The following LINGO1 variants were observed in gnomAD, a reference collection of about 807,000 sequenced individuals.
LINGO1 encodes the protein leucine rich repeat and Ig domain containing 1.
LINGO1 carries 11 observed loss-of-function variants against 37.3 expected under a neutral mutation model. The ratio of observed to expected loss-of-function variants is 0.29; its 90% CI spans 0.19 to 0.49. LINGO1 has a LOEUF of 0.49. LINGO1 is among the 20% of genes least tolerant of loss of function. LINGO1 has a pLI of 0.99. For synonymous variants in LINGO1, 387 were observed against 403.0 expected (o/e 0.96, Z 0.48); for missense variants, 585 against 878.2 (o/e 0.67, Z 4.22).
At chr15:77,740,263 A>T (rs1284356904) in intron 1 of LINGO1, among the ~76,000 whole-genome samples, 2 of 152,304 alleles carry the variant, frequency 1.3e-5, no homozygotes, top group South Asian at 4.1e-4. Flanking sequence ...GGCTCCACGC[A>T]TTATGGGAAG....
chr15:77,699,972 A>G (rs889043803), upstream of LINGO1, among the ~76,000 whole-genome samples: 8 of 152,230 alleles, frequency 5.3e-5, no homozygotes, highest in Non-Finnish European at 1.2e-4. Flanking sequence ...AGGACTTGAC[A>G]GATGCCTCAG....
upstream of LINGO1, among the ~76,000 whole-genome samples, chr15:77,636,192 T>G (rs1274202382): frequency 6.6e-6 from 1 of 152,150 alleles, no homozygotes; most frequent in African/African-American, 2.4e-5. Flanking sequence ...TGCTCTCCTT[T>G]CACTCTGAGA....
At chr15:77,774,811 G>T (rs1313525236) in intron 1 of LINGO1, among the ~76,000 whole-genome samples, 1 of 152,182 alleles carries the variant, frequency 6.6e-6, no homozygotes, top group African/African-American at 2.4e-5. Flanking sequence ...GGTGCACCTG[G>T]ATTTCTATCC....
Position 77,615,375 on chromosome 15 carries a change from C to T in LINGO1, c.532G>A (p.Asp178Asn). 1 of 1,613,996 alleles carries T rather than the reference C, an allele frequency of 6.2e-7. No homozygotes were observed. Among genetic ancestry groups the T allele is most frequent in the South Asian group, 1.1e-5 (1 of 91,068 alleles). ...NLKSLEVGDN[D>N]LVYISHRAFS... ...GCGCGGTGAGAGATGTAGACGAGGT[C>T]ATTGTCGCCAACCTCCAGTGACTTG... Residue 178 changes from aspartate to asparagine, a missense_variant, in exon 2 of 2, where the codon GAC becomes AAC. Asp to Asn is a conservative substitution (Grantham distance 23). Around this residue, in one of 4 missense-constraint regions of LINGO1, gnomAD observed 484 missense variants for 735.0 expected, o/e 0.66. Transcript: ENST00000355300.
intron 1 of LINGO1, among the ~76,000 whole-genome samples, chr15:77,628,727 GATTA>G (rs1450141282): frequency 6.6e-6 from 1 of 151,920 alleles, no homozygotes; most frequent in Admixed American, 6.6e-5. Flanking sequence ...TAAATGCCTC[GATTA>G]ATTAATTAAC....
intron 1 of LINGO1, among the ~76,000 whole-genome samples, chr15:77,814,354 C>T (rs79362461): frequency 0.03 from 4,571 of 152,194 alleles, 215 homozygotes; most frequent in African/African-American, 0.11. Flanking sequence ...ATCTGTGAAA[C>T]GGAACAATGT....
At chr15:77,792,304 G>A (rs916032449) in intron 2 of LINGO1, among the ~76,000 whole-genome samples, 3 of 151,614 alleles carry the variant, frequency 2.0e-5, no homozygotes, top group East Asian at 2.0e-4. Flanking sequence ...ACCCAGGCCC[G>A]GCCCCACCAC....
chr15:77,646,976 A>C (rs1342318600), intron 3 of LINGO1, among the ~76,000 whole-genome samples: 1 of 151,872 alleles, frequency 6.6e-6, no homozygotes, highest in African/African-American at 2.4e-5. Flanking sequence ...GGGAACGGGC[A>C]TGGGGAGGCT....
At chr15:77,781,745 G>T (rs1053511788) in intron 1 of LINGO1, among the ~76,000 whole-genome samples, 1 of 152,234 alleles carries the variant, frequency 6.6e-6, no homozygotes, top group Non-Finnish European at 1.5e-5. Flanking sequence ...CTTGCCCAAG[G>T]TCACACAGTG....
At chr15:77,625,843 C>G (rs555071603) in intron 1 of LINGO1, among the ~76,000 whole-genome samples, 5 of 152,186 alleles carry the variant, frequency 3.3e-5, no homozygotes, top group Non-Finnish European at 7.3e-5. Flanking sequence ...ACAAATTCCT[C>G]CCTGGGAAGT....
intron 2 of LINGO1, among the ~76,000 whole-genome samples, chr15:77,795,705 G>A (rs74026821): frequency 0.043 from 6,490 of 152,254 alleles, 458 homozygotes; most frequent in African/African-American, 0.15. Flanking sequence ...CCCATTAGCC[G>A]GCACTGTCCG....
At chr15:77,626,977 G>A (rs1047541828) in intron 1 of LINGO1, among the ~76,000 whole-genome samples, 1 of 53,080 alleles carries the variant, frequency 1.9e-5, no homozygotes, top group Non-Finnish European at 3.7e-5. Flanking sequence ...CCCATCCGCA[G>A]CCCTGCACTG....
At chr15:77,687,945 T>G (rs937715965) in intron 2 of LINGO1, among the ~76,000 whole-genome samples, 3 of 152,028 alleles carry the variant, frequency 2.0e-5, no homozygotes, top group Non-Finnish European at 2.9e-5. Context: ...CCATCGGGCT[T>G]CAGTTTATCC....
At chr15:77,801,810 C>G (rs1033526323) in intron 1 of LINGO1, among the ~76,000 whole-genome samples, 1 of 152,158 alleles carries the variant, frequency 6.6e-6, no homozygotes, top group Admixed American at 6.5e-5. Context: ...TACGCTCCCC[C>G]AGGCCAAGGT....
chr15:77,705,254 A>G (rs529919102), intron 2 of LINGO1, among the ~76,000 whole-genome samples: 16 of 147,962 alleles, frequency 1.1e-4, no homozygotes, highest in Admixed American at 1.0e-3. Flanking sequence ...TTCCCCGACC[A>G]GTTTTATTCC....
chr15:77,802,068 C>G (rs3902958), intron 1 of LINGO1, among the ~76,000 whole-genome samples: 107,854 of 151,926 alleles, frequency 0.71, 39,251 homozygotes, highest in Admixed American at 0.79. Flanking sequence ...AGAGAGAGAG[C>G]GAGGAAAAGA....
At chr15:77,786,512 G>A (rs535301401) in intron 1 of LINGO1, among the ~76,000 whole-genome samples, 1 of 152,322 alleles carries the variant, frequency 6.6e-6, no homozygotes, top group South Asian at 2.1e-4. Flanking sequence ...CCTTTCAGAG[G>A]GGCCGGGCTC....
intron 1 of LINGO1, among the ~76,000 whole-genome samples, chr15:77,815,972 C>T (rs77891339): frequency 0.018 from 2,724 of 152,240 alleles, 82 homozygotes; most frequent in African/African-American, 0.064. Flanking sequence ...CATGCCTTTG[C>T]CAGTGCCGTG....
At chr15:77,796,416 A>G (rs974653024) in intron 1 of LINGO1, among the ~76,000 whole-genome samples, 2 of 152,178 alleles carry the variant, frequency 1.3e-5, no homozygotes, top group African/African-American at 4.8e-5. Context: ...CTCTCCCACC[A>G]TCCGGCTCTG....
Sources: gnomAD v4.1 joint callset for allele counts (sites outside exome capture counted in the v4.1 genomes callset) on GRCh38, gnomAD v4.1.1 for gene constraint, gnomAD v4.1.1 regional missense constraint, MANE v1.5 for transcripts, NCBI Gene and HGNC (gene_info 2026-07-23, HGNC 2026-07-21) for gene names.